The following PRDM14 variants were observed in gnomAD, a reference collection of about 807,000 sequenced individuals.
PRDM14 encodes the protein PR/SET domain 14, also known as PR domain zinc finger protein 14.
PRDM14 carries 16 observed loss-of-function variants against 48.0 expected under a neutral mutation model. The observed-to-expected ratio is 0.33, with a 90% CI of 0.23 to 0.51. PRDM14 has a LOEUF of 0.51. Ranked by LOEUF, PRDM14 falls within the 20% of genes least tolerant of loss-of-function variation. PRDM14 has a pLI of 0.97. For missense variants in PRDM14, 566 were observed against 719.6 expected (o/e 0.79, Z 2.44); for synonymous variants, 264 against 276.6 (o/e 0.95, Z 0.45).
intron 5 of PRDM14, among the ~76,000 whole-genome samples, chr8:70,062,654 C>T (rs1024484527): frequency 2.6e-5 from 4 of 152,046 alleles, no homozygotes; most frequent in African/African-American, 7.2e-5. Context: ...TTAGTAGAGA[C>T]GGGGTTCCAC....
chr8:70,069,260 C>T lies in PRDM14; in HGVS notation c.601G>A (p.Asp201Asn). ...SPARFQFTEE[D>N]LHFVLYGVTP... ...ACCCCGTACAGAACGAAGTGCAGGT[C>T]CTCCTCCGTGAACTGGAACCGAGCA... The change falls in exon 2 of 8, where the codon GAC becomes AAC. Residue 201 changes from aspartate to asparagine, a missense_variant. Physicochemically the swap from Asp to Asn is conservative, Grantham distance 23. This residue lies in a region of PRDM14 where 410 missense variants were observed against 424.6 expected (regional missense o/e 0.97). Transcript: ENST00000276594. 1.2e-6 allele frequency: 2 copies of T among 1,609,042 alleles called. No homozygotes were observed. The highest frequency in any genetic ancestry group is 1.7e-6 in the Non-Finnish European group (2 of 1,177,404).
chr8:70,067,363 C>T lies in PRDM14; in HGVS notation c.913-858G>A, dbSNP rs536010660. The stretch of plus-strand genomic sequence containing the variant: ...GTGAAACCCCTCTCTACTAAAAATA[C>T]AAAAATTAGCCGGGCATGGTGGCAC... On this transcript the variant is annotated intron_variant, in intron 4 of 7. Coordinates refer to ENST00000276594, the MANE Select transcript of PRDM14 (RefSeq NM_024504.4). Among the ~76,000 whole-genome samples the T allele has an allele frequency of 1.4e-3, 217 of 151,932 alleles. 1 individual carries two copies. The highest frequency in any genetic ancestry group is 2.6e-3 in the Non-Finnish European group (176 of 67,952).
chr8:70,055,631 G>A (rs1167401272), intron 6 of PRDM14, among the ~76,000 whole-genome samples: 1 of 151,620 alleles, frequency 6.6e-6, no homozygotes, highest in Non-Finnish European at 1.5e-5. Context: ...TCAGCCTCCT[G>A]AGTAACTGGG....
In PRDM14 at chr8:70,052,249, T is replaced by C. The variant is rs1331838487; in HGVS notation, c.1544A>G (p.Lys515Arg). The change falls in exon 8 of 8, where the codon AAG becomes AGG. Residue 515 changes from lysine to arginine, a missense_variant. Physicochemically the swap from Lys to Arg is conservative, Grantham distance 26. This residue lies in a region of PRDM14 where 126 missense variants were observed against 271.6 expected (regional missense o/e 0.46). Transcript: ENST00000276594. Reference protein sequence around the residue: ...RTHIRQHSGEKPFKCKYCGKS... With the variant: ...RTHIRQHSGERPFKCKYCGKS... ...ACCACAGTACTTGCATTTGAAGGGCTTCTCCCCGGAGTGCTGCCTGATGTG... is the reference window on the plus strand; with the variant it reads ...ACCACAGTACTTGCATTTGAAGGGCCTCTCCCCGGAGTGCTGCCTGATGTG... 1 of 1,614,194 alleles carries C rather than the reference T, an allele frequency of 6.2e-7. No homozygotes were observed. The highest frequency in any genetic ancestry group is 1.1e-5 in the South Asian group (1 of 91,076).
At position 70,068,369 on chromosome 8, in the gene PRDM14, G is replaced by A. The variant is rs1036596459; in HGVS notation, c.773C>T (p.Thr258Met). ...AAAATGTGGGACTTCACCAAACACCGTCTGCATGAGGCATAGACCTAGGGG... is the reference window on the plus strand; with the variant it reads ...AAAATGTGGGACTTCACCAAACACCATCTGCATGAGGCATAGACCTAGGGG... ...QLPEGLCLMQ[T>M]VFGEVPHFGV... Residue 258 changes from threonine to methionine, a missense_variant, in exon 4 of 8, where the codon ACG (threonine) becomes ATG (methionine). Coordinates refer to ENST00000276594, the MANE Select transcript of PRDM14 (RefSeq NM_024504.4). The A allele has an allele frequency of 2.4e-5, 39 of 1,614,046 alleles. No homozygotes were observed. The highest frequency in any genetic ancestry group is 3.1e-5 in the Non-Finnish European group (37 of 1,180,046).
rs930791174 is a variant in PRDM14, at chr8:70,069,094, C to G, written c.700+67G>C. ...AGCTCCACCTGGAAGCGCCTCTTCC[C>G]GGACACTCCCGTTCCCGCCTGCATT... On this transcript the variant is annotated intron_variant, in intron 2 of 7. Coordinates refer to ENST00000276594, the MANE Select transcript of PRDM14 (RefSeq NM_024504.4). 1.4e-5 allele frequency: 18 copies of G among 1,293,954 alleles called. No individual in the cohort carries two copies. In the Admixed American group the frequency reaches 4.7e-4, roughly 34 times the overall value. 80.2% of individuals were successfully genotyped at this position (1,293,954 alleles called of 1,614,324 possible). A position where few individuals can be genotyped will look rare whatever the true frequency, so the allele number is the denominator to read the frequency against.
Position 70,068,534 on chromosome 8 carries a change from T to C in PRDM14, c.701-2A>G. ...GAGTTTGAGGAAGAGAATCAGATCC[T>C]AGCAAAAGGCAGGTTAAAACAATTT... is the stretch of plus-strand genomic sequence containing the variant. On this transcript the variant is annotated splice_acceptor_variant, in intron 2 of 7. Coordinates refer to ENST00000276594, the MANE Select transcript of PRDM14 (RefSeq NM_024504.4). LOFTEE classifies it high-confidence loss of function. 3 of 1,613,982 alleles carry C rather than the reference T, an allele frequency of 1.9e-6. No individual in the cohort carries two copies. Among genetic ancestry groups the C allele is most frequent in the Non-Finnish European group, 2.5e-6 (3 of 1,179,872 alleles).
intron 5 of PRDM14, among the ~76,000 whole-genome samples, chr8:70,062,557 G>C (rs369593480): frequency 6.6e-6 from 1 of 151,410 alleles, no homozygotes; most frequent in Non-Finnish European, 1.5e-5. Flanking sequence ...CTCCGCCCCC[G>C]GTTTCAAGCG....
chr8:70,059,139 G>A (rs957221316), intron 5 of PRDM14, among the ~76,000 whole-genome samples: 5 of 151,934 alleles, frequency 3.3e-5, no homozygotes, highest in African/African-American at 1.2e-4. Context: ...ATTTTTAGTA[G>A]AAACAGGGTT....
intron 6 of PRDM14, among the ~76,000 whole-genome samples, chr8:70,056,874 T>G (rs1363969831): frequency 6.6e-6 from 1 of 150,624 alleles, no homozygotes; most frequent in East Asian, 2.0e-4. Flanking sequence ...GCACCTCGTC[T>G]GTTGAAGGGT....
Position 70,052,072 on chromosome 8 carries a change from C to A in PRDM14, c.*5G>T. 1 of 1,579,890 alleles carries A rather than the reference C, an allele frequency of 6.3e-7. No individual in the cohort carries two copies. Among genetic ancestry groups the A allele is most frequent in the Non-Finnish European group, 8.6e-7 (1 of 1,157,556 alleles). Reference sequence around the variant, plus strand: ...TACAGGCGTGAGTCATTGTGCCTGGCAGGGCTAGTAGTCTTCATGAAACTT... The same window carrying A: ...TACAGGCGTGAGTCATTGTGCCTGGAAGGGCTAGTAGTCTTCATGAAACTT... On this transcript the variant is annotated 3_prime_UTR_variant, in exon 8 of 8. Transcript: ENST00000276594.
At chr8:70,060,734 C>T (rs1401957182) in intron 5 of PRDM14, among the ~76,000 whole-genome samples, 1 of 152,198 alleles carries the variant, frequency 6.6e-6, no homozygotes, top group Non-Finnish European at 1.5e-5. Flanking sequence ...CTGCCTGGCA[C>T]TTGTTACAAG....
intron 5 of PRDM14, among the ~76,000 whole-genome samples, chr8:70,061,881 C>T (rs1182949213): frequency 6.6e-6 from 1 of 152,084 alleles, no homozygotes; most frequent in Non-Finnish European, 1.5e-5. Context: ...GAGGGGAATG[C>T]TTGCATATTC....
intron 7 of PRDM14, among the ~76,000 whole-genome samples, chr8:70,052,591 G>T (rs532401796): frequency 2.0e-5 from 3 of 152,188 alleles, no homozygotes; most frequent in Admixed American, 2.0e-4. Context: ...CAGGCTGGGC[G>T]CAGTGGTTCA....
chr8:70,051,770 T>TGTTGTTTTGTTTTG lies in PRDM14; in HGVS notation c.*306_*307insCAAAACAAAACAAC. The TGTTGTTTTGTTTTG allele has an allele frequency of 4.0e-6, 1 of 247,398 alleles. No individual in the cohort carries two copies. The highest frequency in any genetic ancestry group is 8.6e-5 in the East Asian group (1 of 11,672). The allele number at this position is 247,398 out of a possible 1,614,324, so 15.3% of individuals were successfully genotyped here. On this transcript the variant is annotated 3_prime_UTR_variant, in exon 8 of 8. Coordinates refer to ENST00000276594, the MANE Select transcript of PRDM14 (RefSeq NM_024504.4). ...CCACACTCTTGAGGGCTACTCATTT[T>TGTTGTTTTGTTTTG]TTTTGTTTTGTTTTGTTTTGAGACA... is the stretch of plus-strand genomic sequence containing the variant.
chr8:70,069,799 C>G lies in PRDM14; in HGVS notation c.62G>C (p.Ser21Thr), dbSNP rs1339967021. ...GTACGCGGCCAGGTTCTGCGGGCTGCTCTCCGGCGGGTAGCACACCTTGTC... is the reference window on the plus strand; with the variant it reads ...GTACGCGGCCAGGTTCTGCGGGCTGGTCTCCGGCGGGTAGCACACCTTGTC... ...PQDKVCYPPE[S>T]SPQNLAAYYT... is the part of the protein sequence containing the mutation. The change falls in exon 2 of 8, where the codon AGC (serine) becomes ACC (threonine). Residue 21 changes from serine to threonine, a missense_variant. Around this residue, in one of 3 missense-constraint regions of PRDM14, gnomAD observed 410 missense variants for 424.6 expected, o/e 0.97. Transcript: ENST00000276594. 1.2e-6 allele frequency: 2 copies of G among 1,610,140 alleles called. No homozygotes were observed. Among genetic ancestry groups the G allele is most frequent in the Admixed American group, 3.4e-5 (2 of 59,680 alleles).
chr8:70,064,763 G>A (rs1805639683), intron 5 of PRDM14, among the ~76,000 whole-genome samples: 1 of 151,624 alleles, frequency 6.6e-6, no homozygotes, highest in African/African-American at 2.4e-5. Flanking sequence ...CTGACCTCGT[G>A]ATCCGCCCGC....
rs1412748229 is a variant in PRDM14, at chr8:70,068,311, T to C, written c.831A>G (p.Gly277=). The C allele has an allele frequency of 6.2e-7, 1 of 1,614,182 alleles. No individual in the cohort carries two copies. Among genetic ancestry groups the C allele is most frequent in the South Asian group, 1.1e-5 (1 of 91,086 alleles). ...GVFCSSFIAK[G]VRFGPFQGKV... The stretch of plus-strand genomic sequence containing the variant: ...TACCTTGAAAGGGCCCAAACCTGAC[T>C]CCTTTGGCGATAAAACTACTGCAGA... The change falls in exon 4 of 8, where the codon GGA becomes GGG. Residue 277 remains glycine, a synonymous_variant. Transcript: ENST00000276594.
intron 4 of PRDM14, among the ~76,000 whole-genome samples, chr8:70,067,296 G>A (rs547428558): frequency 4.1e-4 from 62 of 152,234 alleles, no homozygotes; most frequent in Admixed American, 7.8e-4. Context: ...CAAAGCAGGC[G>A]GATCATGAGG....
Sources: allele counts gnomAD v4.1 joint callset (sites outside exome capture counted in the v4.1 genomes callset), GRCh38; gene constraint gnomAD v4.1.1; regional missense constraint gnomAD v4.1.1; transcripts MANE v1.5; gene names NCBI Gene and HGNC (gene_info 2026-07-23, HGNC 2026-07-21).